Variants in SCN2A observed in about 807,000 individuals in gnomAD.
SCN2A encodes sodium voltage-gated channel alpha subunit 2, also known as sodium channel protein type 2 subunit alpha.
SCN2A carries 20 observed loss-of-function variants against 188.7 expected under a neutral mutation model. That is an observed-to-expected ratio of 0.11 (90% confidence interval 0.07 to 0.15). The LOEUF is 0.15. SCN2A is among the 10% of genes least tolerant of loss of function. The pLI is 1.00. For missense variants in SCN2A, 1,278 were observed against 2,445.0 expected (o/e 0.52, Z 10.07); for synonymous variants, 804 against 833.1 (o/e 0.97, Z 0.60).
At chr2:165,339,165 G>A (rs868013130) in intron 14 of SCN2A, among the ~76,000 whole-genome samples, 54 of 151,554 alleles carry the variant, frequency 3.6e-4, no homozygotes, top group Admixed American at 1.4e-3. Context: ...AGGTTGCAGT[G>A]AGCCGAGATT....
intron 5 of SCN2A, chr2:165,309,075 G>T: frequency 1.5e-6 from 2 of 1,378,426 alleles, no homozygotes; most frequent in South Asian, 1.2e-5. Context: ...AGCTGATGGC[G>T]ACACTCATGA....
chr2:165,299,627 C>T (rs951275969), intron 3 of SCN2A, among the ~76,000 whole-genome samples: 3 of 152,106 alleles, frequency 2.0e-5, no homozygotes, highest in Non-Finnish European at 4.4e-5. Flanking sequence ...GATCAAATAG[C>T]CCAGTAAAGT....
At chr2:165,240,967 T>C (rs1693594604) in intron 1 of SCN2A, 1 of 152,128 alleles carries the variant, frequency 6.6e-6, no homozygotes, top group Non-Finnish European at 1.5e-5. Flanking sequence ...AGAAAAGCAA[T>C]TGTAATTGAG....
At chr2:165,319,541 T>C (rs1405943515) in intron 11 of SCN2A, among the ~76,000 whole-genome samples, 2 of 152,216 alleles carry the variant, frequency 1.3e-5, no homozygotes, top group Non-Finnish European at 2.9e-5. Flanking sequence ...GATAAAGTTA[T>C]ACCCAAGACT....
At chr2:165,295,691 C>G (rs993006047) in intron 1 of SCN2A, 82 bp from the exon 2 acceptor site, 2 of 1,287,772 alleles carry the variant, frequency 1.6e-6, no homozygotes, top group African/African-American at 2.9e-5. Context: ...TATGCTGTAT[C>G]TCAGTGCTCA....
intron 23 of SCN2A, among the ~76,000 whole-genome samples, chr2:165,378,666 GATTA>G (rs1344630813): frequency 6.6e-6 from 1 of 151,588 alleles, no homozygotes; most frequent in Non-Finnish European, 1.5e-5. Flanking sequence ...TTACCTTTTT[GATTA>G]ATTAATTCAA....
intron 1 of SCN2A, among the ~76,000 whole-genome samples, chr2:165,283,779 T>C (rs930000011): frequency 2.0e-5 from 3 of 152,160 alleles, no homozygotes; most frequent in Non-Finnish European, 4.4e-5. Context: ...AAATGGAACA[T>C]GGACTATATT....
Position 165,265,936 on chromosome 2 carries a change from C to G in SCN2A, c.-52+26296C>G, listed in dbSNP as rs1047704223. On this transcript the variant is annotated intron_variant, in intron 1 of 26. Coordinates refer to ENST00000375437, the MANE Select transcript of SCN2A (RefSeq NM_001040142.2). ...TCCTGAGCTCAAGTGATCCTCCCTG[C>G]TCAGCCTCTGAGTAGCTGGGACCAT... Among the ~76,000 whole-genome samples, 3 of 151,752 alleles carry G rather than the reference C, an allele frequency of 2.0e-5. No homozygotes were observed. The East Asian group carries it at 5.8e-4, about 29-fold the overall frequency.
intron 23 of SCN2A, among the ~76,000 whole-genome samples, chr2:165,378,998 C>A (rs1327333751): frequency 2.0e-5 from 3 of 151,578 alleles, no homozygotes; most frequent in Admixed American, 6.6e-5. Context: ...TCGTACAATG[C>A]TGATAGGAAA....
intron 23 of SCN2A, 28 bp downstream of exon 23, chr2:165,377,678 A>G: frequency 6.4e-7 from 1 of 1,555,524 alleles, no homozygotes; most frequent in Non-Finnish European, 8.8e-7. Flanking sequence ...GAAATTGTTT[A>G]GTTTGATTAA....
In SCN2A at chr2:165,367,275, C is replaced by A. The variant is rs367546924; in HGVS notation, c.3579C>A (p.Leu1193=). Reference sequence around the variant, plus strand: ...GCATAGAAGAAGGCAAAGGGAAACTCTGGTGGAATTTGAGGAAAACATGCT... The same window carrying A: ...GCATAGAAGAAGGCAAAGGGAAACTATGGTGGAATTTGAGGAAAACATGCT... ...QISIEEGKGK[L]WWNLRKTCYK... Residue 1193 remains leucine (L), a synonymous_variant, in exon 19 of 27, where the codon CTC becomes CTA. Coordinates refer to ENST00000375437, the MANE Select transcript of SCN2A (RefSeq NM_001040142.2). 9.2e-5 allele frequency: 148 copies of A among 1,613,974 alleles called. No individual in the cohort carries two copies. Among genetic ancestry groups the A allele is most frequent in the Admixed American group, 5.2e-4 (31 of 59,992 alleles).
chr2:165,265,421 T>A (rs1474771366), intron 1 of SCN2A, among the ~76,000 whole-genome samples: 1 of 138,764 alleles, frequency 7.2e-6, no homozygotes, highest in African/African-American at 2.7e-5. Context: ...AGATGCATAG[T>A]TGGCAAGTAT....
chr2:165,249,685 G>A (rs2106065426), intron 1 of SCN2A, among the ~76,000 whole-genome samples: 1 of 151,716 alleles, frequency 6.6e-6, no homozygotes, highest in South Asian at 2.1e-4. Context: ...AGATCTAATG[G>A]AAGCCACCCA....
intron 1 of SCN2A, among the ~76,000 whole-genome samples, chr2:165,287,194 C>G (rs900885851): frequency 1.3e-5 from 2 of 152,072 alleles, no homozygotes; most frequent in African/African-American, 2.4e-5. Context: ...CCTGTTTGGC[C>G]CTTGACTTGA....
chr2:165,346,325 A>T (rs917370744), intron 16 of SCN2A, among the ~76,000 whole-genome samples: 13 of 152,060 alleles, frequency 8.5e-5, no homozygotes, highest in Non-Finnish European at 1.2e-4. Flanking sequence ...CCATTCTCCC[A>T]GTCACTTTCA....
intron 12 of SCN2A, among the ~76,000 whole-genome samples, chr2:165,323,960 C>T (rs1698217851): frequency 6.6e-6 from 1 of 152,212 alleles, no homozygotes; most frequent in Non-Finnish European, 1.5e-5. Context: ...CATTGCCTCT[C>T]TTTGCAGGTC....
Position 165,254,374 on chromosome 2 carries a change from T to C in SCN2A, c.-52+14734T>C, listed in dbSNP as rs1694228826. ...AGTTTATAACTGTATTCATTAATGA[T>C]ATTGGCTGTAGATTTCATTTTTGAG... On this transcript the variant is annotated intron_variant, in intron 1 of 26. Transcript: ENST00000375437. Among the ~76,000 whole-genome samples, 4 of 151,812 alleles carry C rather than the reference T, an allele frequency of 2.6e-5. No individual in the cohort carries two copies. The South Asian group carries it at 6.2e-4, about 24-fold the overall frequency.
chr2:165,302,673 A>G (rs1159404434), intron 3 of SCN2A, among the ~76,000 whole-genome samples: 1 of 152,222 alleles, frequency 6.6e-6, no homozygotes, highest in Non-Finnish European at 1.5e-5. Flanking sequence ...GCCTCAAAGA[A>G]TTAAACAAAT....
intron 1 of SCN2A, among the ~76,000 whole-genome samples, chr2:165,250,829 A>G (rs1169661890): frequency 1.3e-5 from 2 of 152,106 alleles, no homozygotes; most frequent in Non-Finnish European, 2.9e-5. Flanking sequence ...CCTGAATTGT[A>G]GAATGATTTG....
Sources: gnomAD v4.1 joint callset for allele counts (sites outside exome capture counted in the v4.1 genomes callset) on GRCh38, gnomAD v4.1.1 for gene constraint, MANE v1.5 for transcripts, NCBI Gene and HGNC (gene_info 2026-07-23, HGNC 2026-07-21) for gene names.